The following BRINP3 variants were observed in gnomAD, a reference collection of about 807,000 sequenced individuals.
BRINP3 encodes BMP/retinoic acid-inducible neural-specific protein 3.
A neutral mutation model predicts 71.0 loss-of-function variants in BRINP3; 19 were observed. The ratio of observed to expected loss-of-function variants is 0.27; its 90% CI spans 0.19 to 0.39. The LOEUF (loss-of-function observed/expected upper bound fraction) is 0.39, where lower values mean the gene tolerates loss of function less well. Among genes scored for constraint, BRINP3 ranks in the 10% least tolerant of loss-of-function variants. BRINP3 has a pLI of 1.00. For synonymous variants in BRINP3, 380 were observed against 337.7 expected (o/e 1.13, Z -1.37); for missense variants, 959 against 940.8 (o/e 1.02, Z -0.25).
At chr1:190,100,813 T>A (rs6427980) in intron 7 of BRINP3, among the ~76,000 whole-genome samples, 43,735 of 152,170 alleles carry the variant, frequency 0.29, 6,715 homozygotes, top group Non-Finnish European at 0.36. Flanking sequence ...CTGATTGAAA[T>A]TTTAAACCTA....
intron 6 of BRINP3, among the ~76,000 whole-genome samples, chr1:190,213,325 A>G (rs540456974): frequency 3.0e-4 from 45 of 152,164 alleles, no homozygotes; most frequent in Middle Eastern, 6.8e-3. Context: ...CACAACCAAT[A>G]CACAACAGAC....
intron 1 of BRINP3, among the ~76,000 whole-genome samples, chr1:190,469,030 T>A (rs1360933437): frequency 6.6e-6 from 1 of 151,068 alleles, no homozygotes; most frequent in Non-Finnish European, 1.5e-5. Context: ...ATGAGTATCT[T>A]ATACATCTGA....
At chr1:190,166,144 A>T (rs1220718162) in intron 6 of BRINP3, among the ~76,000 whole-genome samples, 3 of 152,184 alleles carry the variant, frequency 2.0e-5, no homozygotes, top group African/African-American at 7.2e-5. Context: ...TATAGAGTTT[A>T]TACGGAAACT....
chr1:190,388,883 A>G (rs1671074391), intron 2 of BRINP3, among the ~76,000 whole-genome samples: 1 of 151,782 alleles, frequency 6.6e-6, no homozygotes, highest in African/African-American at 2.4e-5. Context: ...GTAAATACAG[A>G]ATGCTTGATA....
chr1:190,103,366 A>G (rs1296121166), intron 7 of BRINP3, among the ~76,000 whole-genome samples: 2 of 152,058 alleles, frequency 1.3e-5, no homozygotes, highest in South Asian at 2.1e-4. Context: ...ATGAAACAAC[A>G]TGAATTAAAT....
At chr1:190,416,698 T>G (rs1046616039) in intron 2 of BRINP3, among the ~76,000 whole-genome samples, 1 of 152,182 alleles carries the variant, frequency 6.6e-6, no homozygotes, top group Admixed American at 6.6e-5. Context: ...TGAAGTGCCT[T>G]ACACATATTA....
At chr1:190,372,372 T>C (rs558577312) in intron 2 of BRINP3, among the ~76,000 whole-genome samples, 184 of 152,308 alleles carry the variant, frequency 1.2e-3, no homozygotes, top group Non-Finnish European at 2.2e-3. Flanking sequence ...CAGAAAGTCC[T>C]TCTTTGCTTA....
intron 7 of BRINP3, among the ~76,000 whole-genome samples, chr1:190,107,615 A>G (rs1026805360): frequency 6.6e-6 from 1 of 151,978 alleles, no homozygotes; most frequent in African/African-American, 2.4e-5. Flanking sequence ...AAAATATACC[A>G]TTCCTGATAG....
intron 4 of BRINP3, among the ~76,000 whole-genome samples, chr1:190,236,132 T>G (rs1658496762): frequency 6.6e-6 from 1 of 151,896 alleles, no homozygotes; most frequent in Non-Finnish European, 1.5e-5. Flanking sequence ...ATAAACTTTA[T>G]CTGAAGAAGT....
intron 6 of BRINP3, among the ~76,000 whole-genome samples, chr1:190,207,153 A>G (rs1173839066): frequency 6.6e-6 from 1 of 152,108 alleles, no homozygotes; most frequent in African/African-American, 2.4e-5. Flanking sequence ...ACTAAATTGT[A>G]TAAAGGAGAG....
chr1:190,388,305 T>C (rs2102290602), intron 2 of BRINP3, among the ~76,000 whole-genome samples: 1 of 151,928 alleles, frequency 6.6e-6, no homozygotes, highest in African/African-American at 2.4e-5. Context: ...TTTGAGCTCC[T>C]ACTGTGTTCC....
chr1:190,281,537 C>A (rs369034074), intron 3 of BRINP3, 23 bp downstream of exon 3: 4 of 1,606,766 alleles, frequency 2.5e-6, no homozygotes, highest in Non-Finnish European at 3.4e-6. Context: ...CACACAGGCA[C>A]AAATAGGTTC....
chr1:190,434,750 T>C (rs535759781), intron 2 of BRINP3, among the ~76,000 whole-genome samples: 2 of 152,270 alleles, frequency 1.3e-5, no homozygotes, highest in South Asian at 2.1e-4. Context: ...ACAAGCACCA[T>C]GAAGGTAAAA....
At chr1:190,426,402 C>G (rs1673710298) in intron 2 of BRINP3, among the ~76,000 whole-genome samples, 5 of 151,802 alleles carry the variant, frequency 3.3e-5, no homozygotes. Context: ...ACCCAAAATG[C>G]CTGGGACCAG....
At chr1:190,422,550 T>C (rs887429260) in intron 2 of BRINP3, among the ~76,000 whole-genome samples, 1 of 151,784 alleles carries the variant, frequency 6.6e-6, no homozygotes, top group African/African-American at 2.4e-5. Context: ...TCAGAAATGT[T>C]CCCTGATGTG....
At chr1:190,468,874 C>T (rs939576339) in intron 1 of BRINP3, among the ~76,000 whole-genome samples, 1 of 149,434 alleles carries the variant, frequency 6.7e-6, no homozygotes, top group Admixed American at 6.7e-5. Context: ...TTTTTTTTTT[C>T]AGGAGACCCT....
At chr1:190,196,864 T>C (rs984752663) in intron 6 of BRINP3, among the ~76,000 whole-genome samples, 5 of 151,588 alleles carry the variant, frequency 3.3e-5, no homozygotes, top group Non-Finnish European at 4.4e-5. Flanking sequence ...AACATTGATA[T>C]TTCTCCTTCA....
rs1041731142 is a variant in BRINP3 at position 190,142,934 on chromosome 1, G to A, written c.1184+17734C>T. On this transcript the variant is annotated intron_variant, in intron 7 of 7. Coordinates refer to ENST00000367462, the MANE Select transcript of BRINP3 (RefSeq NM_199051.3). ...TATTGAAAAAATTTCCTGAAAGGCC[G>A]TAAGTAGTTTTTATTTTTCCTTTTC... Among the ~76,000 whole-genome samples the A allele has an allele frequency of 1.1e-4, 16 of 152,140 alleles. No individual in the cohort carries two copies. In the Middle Eastern group the frequency reaches 0.01, roughly 97 times the overall value.
chr1:190,403,350 T>C (rs550398978), intron 2 of BRINP3, among the ~76,000 whole-genome samples: 9 of 152,338 alleles, frequency 5.9e-5, no homozygotes, highest in African/African-American at 1.9e-4. Flanking sequence ...TCCATTCTAC[T>C]GGGTGAATCA....
Sources: allele counts gnomAD v4.1 joint callset (sites outside exome capture counted in the v4.1 genomes callset), GRCh38; gene constraint gnomAD v4.1.1; transcripts MANE v1.5; gene names NCBI Gene and HGNC (gene_info 2026-07-23, HGNC 2026-07-21).